SFSWAP: variants seen among roughly 807,000 people sequenced by gnomAD.
The protein encoded by SFSWAP is splicing factor SWAP, also known as splicing factor, suppressor of white-apricot homolog.
Under a neutral mutation model 100.7 loss-of-function variants are expected in SFSWAP, and 17 were observed. The ratio of observed to expected loss-of-function variants is 0.17; its 90% confidence interval spans 0.12 to 0.25. The LOEUF is 0.25. Ranked by LOEUF, SFSWAP falls within the 10% of genes least tolerant of loss-of-function variation. SFSWAP has a pLI of 1.00. For missense variants in SFSWAP, 1,005 were observed against 1,262.6 expected, an observed-to-expected ratio of 0.80 and a Z score of 3.09; for synonymous variants, 504 against 510.1, an observed-to-expected ratio of 0.99 and a Z score of 0.16.
At chr12:131,743,376 G>T (rs575163529) in intron 7 of SFSWAP, among the ~76,000 whole-genome samples, 2 of 152,356 alleles carry the variant, frequency 1.3e-5, no homozygotes, top group South Asian at 4.1e-4. Flanking sequence ...CAGGCATTGG[G>T]TAAATACAAC....
chr12:131,793,489 C>T (rs1173185042), intron 15 of SFSWAP, among the ~76,000 whole-genome samples: 2 of 152,046 alleles, frequency 1.3e-5, no homozygotes, highest in African/African-American at 4.8e-5. Flanking sequence ...GATCAGAGAT[C>T]TAAACAAAAA....
intron 16 of SFSWAP, 96 bp from the exon 17 acceptor site, chr12:131,798,941 C>A: frequency 3.5e-6 from 3 of 849,648 alleles, no homozygotes; most frequent in Non-Finnish European, 6.1e-6. Flanking sequence ...CTTCTCAGTT[C>A]TAGAGTTGGG....
intron 7 of SFSWAP, among the ~76,000 whole-genome samples, chr12:131,731,699 A>G (rs1879524208): frequency 6.6e-6 from 1 of 152,132 alleles, no homozygotes. Context: ...TCAAGATAAT[A>G]TTGTTACGTT....
chr12:131,759,064 G>A (rs528616825), intron 11 of SFSWAP, among the ~76,000 whole-genome samples: 52 of 152,310 alleles, frequency 3.4e-4, no homozygotes, highest in African/African-American at 1.2e-3. Context: ...TCCAGCCTGC[G>A]TGACAGAGGA....
intron 7 of SFSWAP, 44 bp downstream of exon 7, chr12:131,728,472 G>C: frequency 6.3e-7 from 1 of 1,592,894 alleles, no homozygotes; most frequent in Non-Finnish European, 8.6e-7. Context: ...TCAGCTGCCT[G>C]TGACAGAGCC....
At chr12:131,793,641 A>G (rs1885431189) in intron 15 of SFSWAP, among the ~76,000 whole-genome samples, 1 of 152,116 alleles carries the variant, frequency 6.6e-6, no homozygotes, top group Non-Finnish European at 1.5e-5. Context: ...ACTTCTCTCA[A>G]AAGGCACAGT....
At chr12:131,761,465 G>A (rs1347308580) in intron 11 of SFSWAP, among the ~76,000 whole-genome samples, 1 of 152,178 alleles carries the variant, frequency 6.6e-6, no homozygotes, top group Middle Eastern at 3.2e-3. Context: ...GGTTGGGCAG[G>A]GCCTGTCTGA....
intron 8 of SFSWAP, 26 bp downstream of exon 8, chr12:131,753,389 G>A (rs1593150243): frequency 1.9e-6 from 3 of 1,597,238 alleles, no homozygotes; most frequent in Non-Finnish European, 2.6e-6. Context: ...ACCGCTGCCT[G>A]CTGTGTGAGT....
At chr12:131,788,488 A>G (rs1011445743) in intron 15 of SFSWAP, among the ~76,000 whole-genome samples, 1 of 151,964 alleles carries the variant, frequency 6.6e-6, no homozygotes, top group Non-Finnish European at 1.5e-5. Context: ...CAGTTAGTCT[A>G]TAAATCCAGA....
At chr12:131,792,099 T>C (rs1265943817) in intron 15 of SFSWAP, among the ~76,000 whole-genome samples, 1 of 151,778 alleles carries the variant, frequency 6.6e-6, no homozygotes, top group Non-Finnish European at 1.5e-5. Context: ...TGTGCGCCCA[T>C]GTGTGTTCAC....
intron 7 of SFSWAP, among the ~76,000 whole-genome samples, chr12:131,744,541 A>C (rs1175122074): frequency 6.6e-6 from 1 of 152,196 alleles, no homozygotes; most frequent in Non-Finnish European, 1.5e-5. Context: ...TCCTGTCACT[A>C]TCAGCATTTT....
rs1284285568 is a variant in SFSWAP at position 131,714,877 on chromosome 12, C to T, written c.444C>T (p.Ala148=). ...EALAEDGSYN[A]VGFTYGSDYY... ...TAGCAGAGGATGGGAGCTACAATGC[C>T]GTGGGGTTCACTTACGGTAGCGACT... The change falls in exon 3 of 18, where the codon GCC becomes GCT. Residue 148 remains alanine, a synonymous_variant. Coordinates refer to ENST00000261674, the MANE Select transcript of SFSWAP (RefSeq NM_004592.4). The surrounding 1 kb of genome is among the most constrained non-coding windows in gnomAD (Gnocchi z 6.0). The T allele has an allele frequency of 5.0e-6, 8 of 1,613,876 alleles. No individual in the cohort carries two copies. Among genetic ancestry groups the T allele is most frequent in the African/African-American group, 1.3e-5 (1 of 74,884 alleles).
At chr12:131,783,710 CG>C (rs1173921872) in intron 14 of SFSWAP, 1 of 149,136 alleles carries the variant, frequency 6.7e-6, no homozygotes, top group African/African-American at 2.5e-5. Flanking sequence ...ACCCGGGAGG[CG>C]GTGCTTGCAG....
chr12:131,751,970 A>G (rs1881697075), intron 7 of SFSWAP, among the ~76,000 whole-genome samples: 2 of 152,236 alleles, frequency 1.3e-5, no homozygotes. Flanking sequence ...GGTGTGTAAC[A>G]TGGAGCTAGA....
At position 131,714,956 on chromosome 12, in the gene SFSWAP, G is replaced by C; in HGVS notation, c.520+3G>C. On this transcript the variant is annotated splice_donor_region_variant and intron_variant, in intron 3 of 17. Transcript: ENST00000261674. This position sits in a 1 kb window ranked among gnomAD's most constrained non-coding sequence, Gnocchi z 6.0. ...GGAGGAGCCTTCCAAACAGAGAGGT[G>C]AGTGGGGAGCTGCCTGGACTGCTGG... 6.2e-7 allele frequency: 1 copy of C among 1,613,838 alleles called. No homozygotes were observed. Among genetic ancestry groups the C allele is most frequent in the South Asian group, 1.1e-5 (1 of 91,070 alleles).
intron 15 of SFSWAP, among the ~76,000 whole-genome samples, chr12:131,787,573 T>C (rs546262138): frequency 2.6e-5 from 4 of 152,306 alleles, no homozygotes; most frequent in South Asian, 2.1e-4. Context: ...GGATGGAGCA[T>C]TGCACATCGT....
In SFSWAP at chr12:131,730,857, C is replaced by T. The variant is rs954789795; in HGVS notation, c.1081+2429C>T. The stretch of plus-strand genomic sequence containing the variant: ...AATACGGTGCCGTTGTTTTGAAACT[C>T]ATCGTCTCCCCTCGACACAGCAAGA... On this transcript the variant is annotated intron_variant, in intron 7 of 17. Transcript: ENST00000261674. This position sits in a 1 kb window ranked among gnomAD's most constrained non-coding sequence, Gnocchi z 4.0. 6.6e-6 allele frequency among the ~76,000 whole-genome samples: 1 copy of T among 152,206 alleles called. No homozygotes were observed. Among genetic ancestry groups the T allele is most frequent in the Non-Finnish European group, 1.5e-5 (1 of 68,034 alleles).
intron 7 of SFSWAP, among the ~76,000 whole-genome samples, chr12:131,740,033 A>G (rs1238960193): frequency 1.3e-5 from 2 of 152,212 alleles, no homozygotes; most frequent in Non-Finnish European, 2.9e-5. Flanking sequence ...TTATGTGAAC[A>G]GGACGGCTTG....
chr12:131,746,861 T>C (rs1213320848), intron 7 of SFSWAP, among the ~76,000 whole-genome samples: 1 of 152,078 alleles, frequency 6.6e-6, no homozygotes. Context: ...TCCCAGCACT[T>C]TGGGAGGCCA....
Sources: allele counts gnomAD v4.1 joint callset (sites outside exome capture counted in the v4.1 genomes callset), GRCh38; gene constraint gnomAD v4.1.1; non-coding constraint Gnocchi (gnomAD v3.1); transcripts MANE v1.5; gene names NCBI Gene and HGNC (gene_info 2026-07-23, HGNC 2026-07-21).